The following ZNF592 variants were observed in gnomAD, a reference collection of about 807,000 sequenced individuals.
The protein encoded by ZNF592 is spinocerebellar ataxia, autosomal recessive 5.
In ZNF592, 11 loss-of-function variants were observed where a neutral mutation model predicts 80.3. The observed-to-expected ratio is 0.14, with a 90% CI of 0.09 to 0.23. The LOEUF (loss-of-function observed/expected upper bound fraction) is 0.23. ZNF592 is among the 10% of genes least tolerant of loss of function. The pLI is 1.00. For synonymous variants in ZNF592, 646 were observed against 640.3 expected (o/e 1.01, Z -0.13); for missense variants, 1,420 against 1,633.9 (o/e 0.87, Z 2.26).
chr15:84,771,244 G>A (rs952603885), intron 2 of ZNF592, among the ~76,000 whole-genome samples: 7 of 152,224 alleles, frequency 4.6e-5, no homozygotes, highest in Non-Finnish European at 8.8e-5. Context: ...CATAGAGGAA[G>A]AGAGGCTTGG....
At position 84,770,392 on chromosome 15, in the gene ZNF592, G is replaced by A. The variant is rs142808220; in HGVS notation, c.-150+5577G>A. 4.0e-3 allele frequency among the ~76,000 whole-genome samples: 604 copies of A among 152,292 alleles called. 2 individuals are homozygous for A. Among genetic ancestry groups the A allele is most frequent in the African/African-American group, 0.014 (574 of 41,556 alleles). On this transcript the variant is annotated intron_variant, in intron 2 of 10. Coordinates refer to ENST00000560079, the MANE Select transcript of ZNF592 (RefSeq NM_014630.3). ...AAATGTTCAGTAAACTACAGTACAGGTAGAAAATTATGATGTGAGGAAGAA... is the reference window on the plus strand; with the variant it reads ...AAATGTTCAGTAAACTACAGTACAGATAGAAAATTATGATGTGAGGAAGAA...
chr15:84,782,953 A>G lies in ZNF592; in HGVS notation c.278A>G (p.Asn93Ser), dbSNP rs557600795. The change falls in exon 4 of 11, where the codon AAT becomes AGT. Residue 93 changes from asparagine (N) to serine (S), a missense_variant. Transcript: ENST00000560079. ...CACATTACTCCCAGTCTCCTACACA[A>G]TGGATTCCGGGGCTCAGATCTGCCT... is the stretch of plus-strand genomic sequence containing the variant. The part of the protein sequence containing the change: ...KDHITPSLLH[N>S]GFRGSDLPPD... 4.3e-6 allele frequency: 7 copies of G among 1,614,158 alleles called. No homozygotes were observed. The highest frequency in any genetic ancestry group is 1.1e-5 in the South Asian group (1 of 91,070).
At chr15:84,781,815 G>A (rs1413676733) in intron 3 of ZNF592, among the ~76,000 whole-genome samples, 2 of 152,140 alleles carry the variant, frequency 1.3e-5, no homozygotes, top group African/African-American at 4.8e-5. Flanking sequence ...TCTCTCTAGG[G>A]CCTTGTGTTT....
At chr15:84,801,715 G>A (rs1355052257) in intron 10 of ZNF592, 148 bp from the exon 11 acceptor site, 2 of 1,157,334 alleles carry the variant, frequency 1.7e-6, no homozygotes, top group African/African-American at 1.5e-5. Flanking sequence ...ACAAAGAATT[G>A]AAACAAACCA....
In ZNF592 at chr15:84,805,389, G is replaced by A. The variant is rs1031916329; in HGVS notation, c.*2996G>A. The A allele has an allele frequency of 1.3e-5, 2 of 152,248 alleles. No homozygotes were observed. The highest frequency in any genetic ancestry group is 4.8e-5 in the African/African-American group (2 of 41,388). The allele number at this position is 152,248 out of a possible 1,614,324, so 9.4% of individuals were successfully genotyped here. A position where few individuals can be genotyped will look rare whatever the true frequency, so the allele number is the denominator to read the frequency against. ...TTGTCATCATCAGAAAATGCTTGCT[G>A]TAACAAGCGTTTATCTGCACATTAT... On this transcript the variant is annotated 3_prime_UTR_variant, in exon 11 of 11. Coordinates refer to ENST00000560079, the MANE Select transcript of ZNF592 (RefSeq NM_014630.3).
In ZNF592 at chr15:84,802,413, C is replaced by T. The variant is rs761171834; in HGVS notation, c.*20C>T. The T allele has an allele frequency of 6.2e-7, 1 of 1,612,682 alleles. No homozygotes were observed. The highest frequency in any genetic ancestry group is 8.5e-7 in the Non-Finnish European group (1 of 1,179,736). ...GTGTGACCGGAGACTTTGCAGTGTG[C>T]ATGGTCAGGGGTGGTGCCGAAGTGT... On this transcript the variant is annotated 3_prime_UTR_variant, in exon 11 of 11. Transcript: ENST00000560079.
At chr15:84,749,995 G>T (rs1422527966) in intron 1 of ZNF592, among the ~76,000 whole-genome samples, 1 of 152,218 alleles carries the variant, frequency 6.6e-6, no homozygotes, top group Non-Finnish European at 1.5e-5. Context: ...TTAGCCATTG[G>T]GAAAGTCTAA....
chr15:84,800,104 C>A, intron 10 of ZNF592, 127 bp downstream of exon 10: 1 of 1,423,548 alleles, frequency 7.0e-7, no homozygotes, highest in Non-Finnish European at 9.8e-7. Flanking sequence ...ATGTGGGTCA[C>A]TCTCTAGTCC....
Position 84,765,538 on chromosome 15 carries a change from T to TG in ZNF592, c.-150+723_-150+724insG, listed in dbSNP as rs1423755246. 4.4e-5 allele frequency among the ~76,000 whole-genome samples: 6 copies of TG among 137,622 alleles called. No homozygotes were observed. In the East Asian group the frequency reaches 8.3e-4, roughly 19 times the overall value. 90.3% of individuals were successfully genotyped at this position (137,622 alleles called of 152,430 possible). On this transcript the variant is annotated intron_variant, in intron 2 of 10. Coordinates refer to ENST00000560079, the MANE Select transcript of ZNF592 (RefSeq NM_014630.3). ...CTCACTAGCACTTGTTATTATTGTT[T>TG]TTTTTTTTTTTTTTTTTTTGAGACA...
intron 10 of ZNF592, 98 bp downstream of exon 10, chr15:84,800,075 A>C: frequency 6.4e-7 from 1 of 1,573,478 alleles, no homozygotes; most frequent in Middle Eastern, 1.7e-4. Flanking sequence ...TGGAACAACC[A>C]GAGTGACAGC....
Position 84,764,716 on chromosome 15 carries a change from G to A in ZNF592, c.-249G>A, listed in dbSNP as rs181105200. On this transcript the variant is annotated 5_prime_UTR_variant, in exon 2 of 11. Coordinates refer to ENST00000560079, the MANE Select transcript of ZNF592 (RefSeq NM_014630.3). ...TTTCTTCTTTCCTTAGGTGGTGTTT[G>A]GACTCTAGACCATGTGCCTAGGTAG... The A allele has an allele frequency of 5.0e-6, 2 of 398,746 alleles. No homozygotes were observed. Among genetic ancestry groups the A allele is most frequent in the African/African-American group, 4.1e-5 (2 of 48,548 alleles). The allele number at this position is 398,746 out of a possible 1,614,324, so 24.7% of individuals were successfully genotyped here. A position where few individuals can be genotyped will look rare whatever the true frequency, so the allele number is the denominator to read the frequency against.
chr15:84,793,996 A>C (rs1962823033), intron 5 of ZNF592, among the ~76,000 whole-genome samples: 1 of 152,116 alleles, frequency 6.6e-6, no homozygotes, highest in African/African-American at 2.4e-5. Flanking sequence ...TATCATGTGG[A>C]CATGTTTTCA....
chr15:84,759,075 A>G (rs1899268082), intron 1 of ZNF592, among the ~76,000 whole-genome samples: 1 of 152,170 alleles, frequency 6.6e-6, no homozygotes, highest in South Asian at 2.1e-4. Flanking sequence ...CAACCTCAAG[A>G]TTTTAAATAT....
chr15:84,776,509 A>C lies in ZNF592; in HGVS notation c.-149-1674A>C, dbSNP rs1329730411. Among the ~76,000 whole-genome samples the C allele has an allele frequency of 3.9e-5, 6 of 152,248 alleles. No individual in the cohort carries two copies. In the East Asian group the frequency reaches 1.2e-3, roughly 29 times the overall value. On this transcript the variant is annotated intron_variant, in intron 2 of 10. Transcript: ENST00000560079. The stretch of plus-strand genomic sequence containing the variant: ...AGTGGCTCATGCCTGTAACCCCAGC[A>C]CTTTGGGAGGCCAAGGTGGGTGGAT...
At position 84,799,860 on chromosome 15, in the gene ZNF592, C is replaced by T. The variant is rs377701270; in HGVS notation, c.3156C>T (p.Ser1052=). ...FYTCGYCTED[S]PSFPRPSLLE... ...TCTGCAGGTACTGCACAGAGGACAG[C>T]CCCAGCTTTCCTCGGCCCTCCCTTC... Residue 1052 remains serine, a synonymous_variant, in exon 10 of 11, where the codon AGC becomes AGT. Coordinates refer to ENST00000560079, the MANE Select transcript of ZNF592 (RefSeq NM_014630.3). The surrounding 1 kb of genome is among the most constrained non-coding windows in gnomAD (Gnocchi z 4.2). 1.2e-6 allele frequency: 2 copies of T among 1,614,138 alleles called. No individual in the cohort carries two copies. Among genetic ancestry groups the T allele is most frequent in the African/African-American group, 2.7e-5 (2 of 75,054 alleles).
At chr15:84,789,473 T>C (rs1257048463) in intron 4 of ZNF592, among the ~76,000 whole-genome samples, 1 of 152,190 alleles carries the variant, frequency 6.6e-6, no homozygotes, top group Admixed American at 6.5e-5. Flanking sequence ...CTAGATCATA[T>C]GGTACTTCTG....
chr15:84,762,239 G>A lies in ZNF592; in HGVS notation c.-258-2468G>A, dbSNP rs140701625. 6.2e-4 allele frequency among the ~76,000 whole-genome samples: 94 copies of A among 152,280 alleles called. 1 individual carries two copies. The highest frequency in any genetic ancestry group is 6.8e-3 in the Middle Eastern group (2 of 294). ...GTTTGTATGCATTTATAGATAATAA[G>A]TAAGATAAAATATAAGAGATGGTGA... On this transcript the variant is annotated intron_variant, in intron 1 of 10. Transcript: ENST00000560079.
chr15:84,777,054 A>T (rs1450255194), intron 2 of ZNF592, among the ~76,000 whole-genome samples: 1 of 152,120 alleles, frequency 6.6e-6, no homozygotes, highest in East Asian at 1.9e-4. Flanking sequence ...AAAAAAAGAA[A>T]GAAAAGAATG....
chr15:84,799,845 C>T lies in ZNF592; in HGVS notation c.3141C>T (p.Tyr1047=), dbSNP rs372676090. Reference sequence around the variant, plus strand: ...CCTCTCCGCTGTGCTTCTGCAGGTACTGCACAGAGGACAGCCCCAGCTTTC... The same window carrying T: ...CCTCTCCGCTGTGCTTCTGCAGGTATTGCACAGAGGACAGCCCCAGCTTTC... ...DTVKKFYTCG[Y]CTEDSPSFPR... The change falls in exon 10 of 11, where the codon TAC becomes TAT. Residue 1047 remains tyrosine (Y), a synonymous_variant. Coordinates refer to ENST00000560079, the MANE Select transcript of ZNF592 (RefSeq NM_014630.3). The surrounding 1 kb of genome is among the most constrained non-coding windows in gnomAD (Gnocchi z 4.2). 128 of 1,614,010 alleles carry T rather than the reference C, an allele frequency of 7.9e-5. No individual in the cohort carries two copies. The highest frequency in any genetic ancestry group is 1.0e-4 in the Non-Finnish European group (121 of 1,180,042).
Sources: gnomAD v4.1 joint callset for allele counts (sites outside exome capture counted in the v4.1 genomes callset) on GRCh38, gnomAD v4.1.1 for gene constraint, Gnocchi (gnomAD v3.1) non-coding constraint, MANE v1.5 for transcripts, NCBI Gene and HGNC (gene_info 2026-07-23, HGNC 2026-07-21) for gene names.